Variants in ARHGAP30 observed in about 807,000 individuals in gnomAD.
The protein encoded by ARHGAP30 is rho GTPase-activating protein 30.
In ARHGAP30, 23 loss-of-function variants were observed where a neutral mutation model predicts 72.0. The ratio of observed to expected loss-of-function variants is 0.32; its 90% CI spans 0.23 to 0.45. The LOEUF is 0.45. ARHGAP30 is among the 20% of genes least tolerant of loss of function. ARHGAP30 has a pLI of 1.00. For missense variants in ARHGAP30, 1,319 were observed against 1,383.4 expected (o/e 0.95, Z 0.74); for synonymous variants, 576 against 528.2 (o/e 1.09, Z -1.24).
At position 161,069,275 on chromosome 1, in the gene ARHGAP30, GCTACCTGGGTA is replaced by G. The variant is rs1390408076; in HGVS notation, c.97+242_97+252del. Among the ~76,000 whole-genome samples the G allele has an allele frequency of 6.6e-6, 1 of 151,694 alleles. No individual in the cohort carries two copies. The highest frequency in any genetic ancestry group is 1.9e-4 in the East Asian group (1 of 5,176). ...CAGTCTCTCCATCCTCCCCCTCACT[GCTACCTGGGTA>G]CTCACATTCTCATCCCCTCAGCCAC... On this transcript the variant is annotated intron_variant, in intron 1 of 11. Coordinates refer to ENST00000368013, the MANE Select transcript of ARHGAP30 (RefSeq NM_001025598.2). This position sits in a 1 kb window ranked among gnomAD's most constrained non-coding sequence, Gnocchi z 4.9.
In ARHGAP30 at chr1:161,048,043, C is replaced by A. The variant is rs779134200; in HGVS notation, c.2978G>T (p.Gly993Val). The A allele has an allele frequency of 6.2e-7, 1 of 1,614,180 alleles. No individual in the cohort carries two copies. Residue 993 changes from glycine to valine, a missense_variant, in exon 12 of 12, where the codon GGT (glycine) becomes GTT (valine). By Grantham distance (109) the Gly-to-Val change is moderately radical. Transcript: ENST00000368013. ...RASRSSWRNG[G>V]SLSFDAAVAL... ...CACAGCAGCATCAAAGGAAAGACTACCCCCATTCCTCCAAGAGGATCGAGA... is the reference window on the plus strand; with the variant it reads ...CACAGCAGCATCAAAGGAAAGACTAACCCCATTCCTCCAAGAGGATCGAGA...
chr1:161,049,657 G>T lies in ARHGAP30; in HGVS notation c.1453C>A (p.Pro485Thr), dbSNP rs371644392. The part of the protein sequence containing the change: ...EKLEASPASS[P>T]LADSGPDDLA... ...TCGTCTGGGCCTGAGTCTGCCAGGG[G>T]ACTTGAGGCTGGACTTGCTTCCAAC... Residue 485 changes from proline to threonine, a missense_variant, in exon 11 of 12, where the codon CCC becomes ACC. Transcript: ENST00000368013. The T allele has an allele frequency of 6.8e-6, 11 of 1,613,920 alleles. No homozygotes were observed. In the East Asian group the frequency reaches 2.5e-4, roughly 36 times the overall value.
chr1:161,048,696 T>G lies in ARHGAP30; in HGVS notation c.2325A>C (p.Glu775Asp). Residue 775 changes from glutamate to aspartate, a missense_variant, in exon 12 of 12, where the codon GAA becomes GAC. Physicochemically the swap from Glu to Asp is conservative, Grantham distance 45. Around this residue, in one of 2 missense-constraint regions of ARHGAP30, gnomAD observed 1,097 missense variants for 1,045.2 expected, o/e 1.05. Coordinates refer to ENST00000368013, the MANE Select transcript of ARHGAP30 (RefSeq NM_001025598.2). The part of the protein sequence containing the change: ...AGRDLEQGAQ[E>D]DQVAEEKWEV... ...CCCATTTCTCCTCAGCAACTTGATC[T>G]TCCTGGGCCCCTTGCTCTAGGTCCC... 6.2e-7 allele frequency: 1 copy of G among 1,614,120 alleles called. No homozygotes were observed. The highest frequency in any genetic ancestry group is 8.5e-7 in the Non-Finnish European group (1 of 1,180,032).
At chr1:161,056,350 C>T (rs1287930222) in intron 3 of ARHGAP30, 38 bp downstream of exon 3, 9 of 1,606,206 alleles carry the variant, frequency 5.6e-6, no homozygotes, top group Non-Finnish European at 8.5e-7. Context: ...CTGTCCACCC[C>T]TGAGCCCTGT....
intron 3 of ARHGAP30, among the ~76,000 whole-genome samples, chr1:161,055,262 T>C (rs992305317): frequency 2.0e-5 from 3 of 152,088 alleles, no homozygotes; most frequent in East Asian, 3.8e-4. Context: ...GGAGCTGAGT[T>C]GGGAGGATTT....
intron 1 of ARHGAP30, among the ~76,000 whole-genome samples, chr1:161,063,517 A>T (rs932152389): frequency 6.6e-6 from 1 of 152,220 alleles, no homozygotes; most frequent in Non-Finnish European, 1.5e-5. Flanking sequence ...AGAAGGATGT[A>T]TATCGTCTCA....
intron 1 of ARHGAP30, among the ~76,000 whole-genome samples, chr1:161,065,468 A>G (rs1384216392): frequency 6.6e-6 from 1 of 152,208 alleles, no homozygotes; most frequent in Non-Finnish European, 1.5e-5. Context: ...TCTTTGTTGA[A>G]TAAAGTATGA....
At chr1:161,060,846 C>T (rs1028263961) in intron 1 of ARHGAP30, among the ~76,000 whole-genome samples, 11 of 151,188 alleles carry the variant, frequency 7.3e-5, no homozygotes, top group East Asian at 2.0e-4. Flanking sequence ...GAATTACAGA[C>T]GCCCGCCGCT....
chr1:161,061,328 G>A (rs934163959), intron 1 of ARHGAP30, among the ~76,000 whole-genome samples: 4 of 151,398 alleles, frequency 2.6e-5, no homozygotes, highest in Admixed American at 1.3e-4. Flanking sequence ...ACCACGCCCA[G>A]CTAATTTTTG....
chr1:161,052,095 T>C lies in ARHGAP30; in HGVS notation c.1018+191A>G, dbSNP rs547561311. On this transcript the variant is annotated intron_variant, in intron 9 of 11. Transcript: ENST00000368013. ...CTGTCCCATCCCATACGAACACTCA[T>C]CAACAAAGTCATAGATTAGACAATC... Among the ~76,000 whole-genome samples the C allele has an allele frequency of 3.4e-5, 5 of 147,436 alleles. No individual in the cohort carries two copies. In the South Asian group the frequency reaches 6.4e-4, roughly 19 times the overall value.
intron 2 of ARHGAP30, among the ~76,000 whole-genome samples, chr1:161,056,868 A>G (rs796189107): frequency 4.6e-5 from 7 of 152,302 alleles, no homozygotes; most frequent in African/African-American, 1.7e-4. Context: ...GGGTACATGT[A>G]AAAATGGATG....
At position 161,053,356 on chromosome 1, in the gene ARHGAP30, T is replaced by C. The variant is rs1026956012; in HGVS notation, c.566A>G (p.Asn189Ser). Reference protein sequence around the residue: ...RSKDIEASGFNGTAAFMEVRV... With the variant: ...RSKDIEASGFSGTAAFMEVRV... Reference sequence around the variant, plus strand: ...CACCTCCATGAAGGCCGCTGTCCCATTGAAGCCTGAGGCCTCTATGTCCTT... The same window carrying C: ...CACCTCCATGAAGGCCGCTGTCCCACTGAAGCCTGAGGCCTCTATGTCCTT... The change falls in exon 6 of 12, where the codon AAT (asparagine) becomes AGT (serine). Residue 189 changes from asparagine to serine, a missense_variant. Physicochemically the swap from Asn to Ser is conservative, Grantham distance 46 (BLOSUM62 1). This residue lies in a region of ARHGAP30 where 222 missense variants were observed against 338.2 expected (regional missense o/e 0.66). Transcript: ENST00000368013. 2 of 1,613,970 alleles carry C rather than the reference T, an allele frequency of 1.2e-6. No individual in the cohort carries two copies. The highest frequency in any genetic ancestry group is 1.7e-6 in the Non-Finnish European group (2 of 1,180,024).
chr1:161,062,969 C>T (rs1333782733), intron 1 of ARHGAP30, among the ~76,000 whole-genome samples: 2 of 151,906 alleles, frequency 1.3e-5, no homozygotes, highest in African/African-American at 2.4e-5. Context: ...CATGTGCCAC[C>T]GTGCCCAGCT....
rs147106698 is a variant in ARHGAP30, at chr1:161,049,633, C to T, written c.1477G>A (p.Asp493Asn). The T allele has an allele frequency of 2.9e-5, 46 of 1,613,934 alleles. No individual in the cohort carries two copies. In the African/African-American group the frequency reaches 5.1e-4, roughly 18 times the overall value. Residue 493 changes from aspartate to asparagine, a missense_variant, in exon 11 of 12, where the codon GAC becomes AAC. By Grantham distance (23) the Asp-to-Asn change is conservative (BLOSUM62 1). Transcript: ENST00000368013. ...GAGTCCTCCAGGGCAGGAGCCAAGT[C>T]GTCTGGGCCTGAGTCTGCCAGGGGA... ...SSPLADSGPD[D>N]LAPALEDSLS...
Position 161,048,295 on chromosome 1 carries a change from C to G in ARHGAP30, c.2726G>C (p.Cys909Ser). ...EPEGQPSPDG[C>S]LCPCSLGLGG... Reference sequence around the variant, plus strand: ...CAGGCCAAGAGAACAGGGGCATAGACAGCCGTCTGGACTGGGCTGCCCCTC... The same window carrying G: ...CAGGCCAAGAGAACAGGGGCATAGAGAGCCGTCTGGACTGGGCTGCCCCTC... Residue 909 changes from cysteine to serine, a missense_variant, in exon 12 of 12, where the codon TGT becomes TCT. Coordinates refer to ENST00000368013, the MANE Select transcript of ARHGAP30 (RefSeq NM_001025598.2). The G allele has an allele frequency of 6.2e-7, 1 of 1,614,216 alleles. No individual in the cohort carries two copies. Among genetic ancestry groups the G allele is most frequent in the Non-Finnish European group, 8.5e-7 (1 of 1,180,028 alleles).
rs369461255 is a variant in ARHGAP30, at chr1:161,052,453, C to T, written c.927G>A (p.Gly309=). ...GHETKRKLPR[G]AEDREDKSNK... is the part of the protein sequence containing the mutation. Reference sequence around the variant, plus strand: ...CCCCAGACTTACCCCTGTCCTCAGCCCCCCGTGGAAGTTTACGCTTAGTCT... The same window carrying T: ...CCCCAGACTTACCCCTGTCCTCAGCTCCCCGTGGAAGTTTACGCTTAGTCT... The change falls in exon 8 of 12, where the codon GGG becomes GGA. Residue 309 remains glycine, a synonymous_variant. Coordinates refer to ENST00000368013, the MANE Select transcript of ARHGAP30 (RefSeq NM_001025598.2). The T allele has an allele frequency of 3.7e-6, 6 of 1,613,820 alleles. No homozygotes were observed. The African/African-American group carries it at 5.3e-5, about 14-fold the overall frequency.
chr1:161,049,737 C>G lies in ARHGAP30; in HGVS notation c.1421-48G>C, dbSNP rs370861606. 1,203 of 1,580,694 alleles carry G rather than the reference C, an allele frequency of 7.6e-4. 5 individuals are homozygous for G. The highest frequency in any genetic ancestry group is 9.2e-4 in the Non-Finnish European group (1,074 of 1,162,798). On this transcript the variant is annotated intron_variant, in intron 10 of 11. Transcript: ENST00000368013. ...AGGAATACAAAGGTCAAGCCCTGAC[C>G]CTTTTCAGTGTGAGTCCTCCTAGCA...
At chr1:161,064,413 TG>T (rs1266129588) in intron 1 of ARHGAP30, among the ~76,000 whole-genome samples, 2 of 152,200 alleles carry the variant, frequency 1.3e-5, no homozygotes, top group Non-Finnish European at 2.9e-5. Flanking sequence ...GACAGAATAC[TG>T]GGTTCTATTA....
chr1:161,053,230 A>G, intron 6 of ARHGAP30, 28 bp downstream of exon 6: 1 of 1,612,848 alleles, frequency 6.2e-7, no homozygotes, highest in South Asian at 1.1e-5. Flanking sequence ...CAACAGTGGG[A>G]TATGTGGAGG....
Sources: allele counts gnomAD v4.1 joint callset (sites outside exome capture counted in the v4.1 genomes callset), GRCh38; gene constraint gnomAD v4.1.1; regional missense constraint gnomAD v4.1.1; non-coding constraint Gnocchi (gnomAD v3.1); transcripts MANE v1.5; gene names NCBI Gene and HGNC (gene_info 2026-07-23, HGNC 2026-07-21).